The following DCAF6 variants were observed in gnomAD, a reference collection of about 807,000 sequenced individuals.
The protein encoded by DCAF6 is DDB1- and CUL4-associated factor 6.
Under a neutral mutation model 125.1 loss-of-function variants are expected in DCAF6, and 54 were observed. The ratio of observed to expected loss-of-function variants is 0.43; its 90% confidence interval spans 0.35 to 0.54. DCAF6 has a LOEUF of 0.54. Ranked by LOEUF, DCAF6 falls within the 20% of genes least tolerant of loss-of-function variation. DCAF6 has a pLI of 0.01. For synonymous variants in DCAF6, 371 were observed against 390.4 expected, an observed-to-expected ratio of 0.95 and a Z score of 0.58; for missense variants, 934 against 1,161.7, an observed-to-expected ratio of 0.80 and a Z score of 2.85.
At chr1:167,898,804 C>A in the DCAF6 span, among the ~76,000 whole-genome samples, 1 of 152,048 alleles carries the variant, frequency 6.6e-6, no homozygotes, top group East Asian at 1.9e-4. Flanking sequence ...TTCTTTCTGC[C>A]GCGTAGTCCC....
the DCAF6 span, among the ~76,000 whole-genome samples, chr1:167,913,312 C>A: frequency 6.6e-6 from 1 of 152,178 alleles, no homozygotes; most frequent in Non-Finnish European, 1.5e-5. Flanking sequence ...CGATTATATT[C>A]ATCAGTTTCT....
chr1:167,986,836 TAG>T (rs1680076829), intron 4 of DCAF6, among the ~76,000 whole-genome samples: 1 of 152,174 alleles, frequency 6.6e-6, no homozygotes, highest in Non-Finnish European at 1.5e-5. Flanking sequence ...GCAGGGTTTA[TAG>T]AGAGCCTCAA....
the DCAF6 span, chr1:167,904,816 G>A: frequency 5.4e-5 from 42 of 772,648 alleles, no homozygotes; most frequent in Non-Finnish European, 8.1e-5. Context: ...GGGAGGATGA[G>A]AGAGAGCCAG....
At chr1:167,988,969 A>G (rs1384803306) in intron 5 of DCAF6, among the ~76,000 whole-genome samples, 1 of 151,892 alleles carries the variant, frequency 6.6e-6, no homozygotes, top group Non-Finnish European at 1.5e-5. Context: ...AATCCCAGCT[A>G]CTCGGGAGGC....
At chr1:167,963,277 AAAT>A (rs1675900381) in intron 2 of DCAF6, among the ~76,000 whole-genome samples, 1 of 152,020 alleles carries the variant, frequency 6.6e-6, no homozygotes, top group Admixed American at 6.6e-5. Flanking sequence ...AAAAAAACCA[AAAT>A]AATAATTTTT....
chr1:167,879,670 C>A, the DCAF6 span, among the ~76,000 whole-genome samples: 3 of 152,152 alleles, frequency 2.0e-5, no homozygotes, highest in African/African-American at 4.8e-5. Context: ...AAATCTTAAA[C>A]CCTGATAGGA....
chr1:167,971,420 T>C (rs1466753836), intron 3 of DCAF6, among the ~76,000 whole-genome samples: 1 of 152,204 alleles, frequency 6.6e-6, no homozygotes, highest in East Asian at 1.9e-4. Context: ...CCACTAAGTC[T>C]TAGTAAAACG....
intron 1 of DCAF6, among the ~76,000 whole-genome samples, chr1:167,940,595 T>C (rs1432839145): frequency 6.6e-6 from 1 of 152,150 alleles, no homozygotes; most frequent in Non-Finnish European, 1.5e-5. Context: ...AATTACTGTA[T>C]ACTAGGTGTA....
chr1:167,874,660 T>G, the DCAF6 span, among the ~76,000 whole-genome samples: 3 of 152,162 alleles, frequency 2.0e-5, no homozygotes, highest in African/African-American at 4.8e-5. Flanking sequence ...AAAAGACTTG[T>G]GTAAGAATGT....
chr1:167,950,887 T>G (rs1361164398), intron 1 of DCAF6, among the ~76,000 whole-genome samples: 1 of 152,228 alleles, frequency 6.6e-6, no homozygotes, highest in Non-Finnish European at 1.5e-5. Flanking sequence ...TGATGGACAT[T>G]TATGCTGATT....
the DCAF6 span, among the ~76,000 whole-genome samples, chr1:167,877,812 G>A: frequency 1.3e-5 from 2 of 152,212 alleles, no homozygotes; most frequent in South Asian, 2.1e-4. Flanking sequence ...AATTGACTGC[G>A]GTTTTCCCAA....
chr1:167,912,013 C>T, the DCAF6 span, among the ~76,000 whole-genome samples: 1 of 152,166 alleles, frequency 6.6e-6, no homozygotes, highest in African/African-American at 2.4e-5. Context: ...TTCTTATGAA[C>T]ACCCATAAAA....
chr1:168,011,111 ATTTTT>A (rs370763073), intron 10 of DCAF6, among the ~76,000 whole-genome samples: 2 of 110,360 alleles, frequency 1.8e-5, no homozygotes, highest in African/African-American at 3.6e-5. Flanking sequence ...GACCATCAGA[ATTTTT>A]TTTTTTTTTT....
intron 1 of DCAF6, among the ~76,000 whole-genome samples, chr1:167,946,680 T>G (rs1350446437): frequency 6.6e-6 from 1 of 152,244 alleles, no homozygotes; most frequent in Non-Finnish European, 1.5e-5. Context: ...ATTTATTGAT[T>G]TGCATATGTT....
chr1:168,063,872 A>G lies in DCAF6; in HGVS notation c.2439+113A>G, dbSNP rs1183404339. On this transcript the variant is annotated intron_variant, in intron 18 of 21. Coordinates refer to ENST00000367840, the MANE Select transcript of DCAF6 (RefSeq NM_001198956.2). Reference sequence around the variant, plus strand: ...AATGGGATTTCAGTATTACATTATTAAATCTTCAGTTATCTCTTTATCCAA... The same window carrying G: ...AATGGGATTTCAGTATTACATTATTGAATCTTCAGTTATCTCTTTATCCAA... 6.0e-6 allele frequency: 6 copies of G among 996,620 alleles called. No homozygotes were observed. The African/African-American group carries it at 1.0e-4, about 17-fold the overall frequency. 61.7% of individuals were successfully genotyped at this position (996,620 alleles called of 1,614,324 possible). A position where few individuals can be genotyped will look rare whatever the true frequency, so the allele number is the denominator to read the frequency against.
At chr1:168,039,513 TGA>T (rs1031070736) in intron 13 of DCAF6, among the ~76,000 whole-genome samples, 15 of 150,456 alleles carry the variant, frequency 1.0e-4, no homozygotes, top group African/African-American at 3.1e-4. Flanking sequence ...ACCATTTGAA[TGA>T]GAGAGCATAC....
chr1:167,897,412 G>A, the DCAF6 span, among the ~76,000 whole-genome samples: 3 of 150,506 alleles, frequency 2.0e-5, no homozygotes, highest in Admixed American at 6.7e-5. Context: ...TGGGAGAATC[G>A]CTTGAGACTG....
chr1:168,050,954 A>G, intron 17 of DCAF6, 21 bp downstream of exon 17: 1 of 1,338,064 alleles, frequency 7.5e-7, no homozygotes. Flanking sequence ...ATGTTCCTTC[A>G]TAATTTTTTT....
chr1:167,936,674 C>A (rs1447758548), upstream of DCAF6: 2 of 475,772 alleles, frequency 4.2e-6, no homozygotes, highest in South Asian at 2.6e-5. Context: ...GAGACTGTTG[C>A]TGATCTTTGG....
Sources: allele counts gnomAD v4.1 joint callset (sites outside exome capture counted in the v4.1 genomes callset), GRCh38; gene constraint gnomAD v4.1.1; transcripts MANE v1.5; gene names NCBI Gene and HGNC (gene_info 2026-07-23, HGNC 2026-07-21).